ACOXL: variants seen among roughly 807,000 people sequenced by gnomAD.
The protein encoded by ACOXL is acyl-coenzyme A oxidase-like protein.
ACOXL carries 70 observed loss-of-function variants against 71.9 expected under a neutral mutation model. The observed-to-expected ratio is 0.97, with a 90% CI of 0.80 to 1.19. ACOXL has a LOEUF of 1.19. Ranked by LOEUF, ACOXL falls within the 50% of genes most tolerant of loss-of-function variation. The pLI is 0.00. For missense variants in ACOXL, 703 were observed against 736.3 expected (o/e 0.95, Z 0.52); for synonymous variants, 253 against 281.6 (o/e 0.90, Z 1.02).
At chr2:110,882,896 A>G (rs970524132) in intron 10 of ACOXL, among the ~76,000 whole-genome samples, 3 of 152,202 alleles carry the variant, frequency 2.0e-5, no homozygotes, top group Non-Finnish European at 2.9e-5. Flanking sequence ...TAAAAGACCC[A>G]TGTTAACAAA....
chr2:111,026,678 T>G (rs143034356), intron 14 of ACOXL, among the ~76,000 whole-genome samples: 1 of 152,306 alleles, frequency 6.6e-6, no homozygotes, highest in Admixed American at 6.5e-5. Flanking sequence ...TGTGCCTTTC[T>G]TTAACTCAGT....
rs77990030 is a variant in ACOXL, at chr2:111,030,731, CA to C, written c.1282-885del. ...TCTATTTGAGTTATTTCCTTGAGCA[CA>C]AAAAAAAAAATGCTAAAAGTTTAAG... On this transcript the variant is annotated intron_variant, in intron 14 of 17. Coordinates refer to ENST00000439055, the MANE Select transcript of ACOXL (RefSeq NM_001142807.4). Among the ~76,000 whole-genome samples, 130 of 146,094 alleles carry C rather than the reference CA, an allele frequency of 8.9e-4. 1 individual carries two copies. The highest frequency in any genetic ancestry group is 1.0e-3 in the East Asian group (5 of 4,968).
chr2:111,078,268 T>C (rs935576529), intron 16 of ACOXL, among the ~76,000 whole-genome samples: 4 of 152,160 alleles, frequency 2.6e-5, no homozygotes, highest in African/African-American at 9.6e-5. Context: ...TTATATTTCT[T>C]TCTTTCTTTT....
chr2:110,856,476 A>G (rs900703031), intron 10 of ACOXL, among the ~76,000 whole-genome samples: 1 of 152,250 alleles, frequency 6.6e-6, no homozygotes, highest in Non-Finnish European at 1.5e-5. Flanking sequence ...GAGAAGCCAT[A>G]AAGTGTTTCC....
At chr2:110,735,420 T>A (rs1382451329) in intron 1 of ACOXL, among the ~76,000 whole-genome samples, 1 of 152,162 alleles carries the variant, frequency 6.6e-6, no homozygotes, top group Non-Finnish European at 1.5e-5. Flanking sequence ...AGCGTAGTGG[T>A]GAGTGCTGTG....
chr2:110,760,690 A>G (rs539771561), intron 1 of ACOXL, among the ~76,000 whole-genome samples: 2 of 152,216 alleles, frequency 1.3e-5, no homozygotes, highest in African/African-American at 2.4e-5. Context: ...CTGTTCTCAC[A>G]TATCTCTTAC....
intron 17 of ACOXL, chr2:111,093,379 AAAG>A (rs2068640913): frequency 1.4e-6 from 2 of 1,452,882 alleles, no homozygotes; most frequent in African/African-American, 1.4e-5. Flanking sequence ...AGCACCTGAA[AAAG>A]AAGGTGAGGC....
Position 110,960,666 on chromosome 2 carries a change from G to GTT in ACOXL, c.1060-26431_1060-26430dup, listed in dbSNP as rs34129486. 7.8e-5 allele frequency among the ~76,000 whole-genome samples: 11 copies of GTT among 141,604 alleles called. No individual in the cohort carries two copies. In the East Asian group the frequency reaches 1.2e-3, roughly 16 times the overall value. 92.9% of individuals were successfully genotyped at this position (141,604 alleles called of 152,430 possible). On this transcript the variant is annotated intron_variant, in intron 12 of 17. Coordinates refer to ENST00000439055, the MANE Select transcript of ACOXL (RefSeq NM_001142807.4). ...TTTGTGAATGACTTTTTTCTTTTGGGTTTTTTTTTTTTAATGTATAAATTT... is the reference window on the plus strand; with the variant it reads ...TTTGTGAATGACTTTTTTCTTTTGGGTTTTTTTTTTTTTTAATGTATAAATTT...
intron 10 of ACOXL, among the ~76,000 whole-genome samples, chr2:110,851,900 G>A (rs1445078857): frequency 6.6e-6 from 1 of 152,244 alleles, no homozygotes; most frequent in Non-Finnish European, 1.5e-5. Flanking sequence ...CCTGGCCGCA[G>A]AGGTGAACAT....
intron 14 of ACOXL, among the ~76,000 whole-genome samples, chr2:111,004,980 C>T (rs1315888942): frequency 1.3e-5 from 2 of 152,142 alleles, no homozygotes; most frequent in Middle Eastern, 3.2e-3. Flanking sequence ...TGAGGTAAGT[C>T]TATGGAGAAA....
intron 10 of ACOXL, among the ~76,000 whole-genome samples, chr2:110,896,885 TG>T (rs2059030146): frequency 1.3e-5 from 2 of 152,084 alleles, no homozygotes; most frequent in South Asian, 4.1e-4. Context: ...AGGATCTAAT[TG>T]ACATTTATAG....
intron 2 of ACOXL, among the ~76,000 whole-genome samples, chr2:110,783,996 GA>G (rs1441364470): frequency 6.6e-6 from 1 of 152,240 alleles, no homozygotes; most frequent in East Asian, 1.9e-4. Flanking sequence ...AGTGAGTGAG[GA>G]GAGGGGATTG....
chr2:110,874,608 T>A (rs1279289905), intron 10 of ACOXL, among the ~76,000 whole-genome samples: 2 of 152,130 alleles, frequency 1.3e-5, no homozygotes. Context: ...ATGGCCTCCT[T>A]CAGCACAGGG....
intron 12 of ACOXL, 63 bp from the exon 13 acceptor site, chr2:110,987,045 G>A (rs975219942): frequency 7.6e-7 from 1 of 1,322,734 alleles, no homozygotes; most frequent in South Asian, 1.3e-5. Context: ...TTGGGTTGCA[G>A]TATTAAAGAT....
At chr2:110,953,346 ATT>A (rs199614369) in intron 12 of ACOXL, among the ~76,000 whole-genome samples, 1 of 148,184 alleles carries the variant, frequency 6.7e-6, no homozygotes, top group African/African-American at 2.5e-5. Flanking sequence ...ATATATATAT[ATT>A]TCAATTAATT....
intron 10 of ACOXL, among the ~76,000 whole-genome samples, chr2:110,842,057 C>G (rs1369052346): frequency 4.6e-5 from 7 of 152,212 alleles, no homozygotes; most frequent in Admixed American, 4.6e-4. Flanking sequence ...AAGTGCCACC[C>G]TGTGGTCATA....
At chr2:110,849,798 C>G (rs1354139675) in intron 10 of ACOXL, among the ~76,000 whole-genome samples, 1 of 152,038 alleles carries the variant, frequency 6.6e-6, no homozygotes, top group Non-Finnish European at 1.5e-5. Context: ...ACTAGACCAG[C>G]CAAGCAATTT....
intron 2 of ACOXL, among the ~76,000 whole-genome samples, chr2:110,775,712 G>A (rs1682549347): frequency 6.6e-6 from 1 of 152,050 alleles, no homozygotes; most frequent in African/African-American, 2.4e-5. Context: ...CACCCATTAG[G>A]ATGGTTATTA....
intron 12 of ACOXL, among the ~76,000 whole-genome samples, chr2:110,939,423 C>A (rs1254382749): frequency 6.6e-6 from 1 of 151,726 alleles, no homozygotes; most frequent in Non-Finnish European, 1.5e-5. Context: ...AATTTTAGAA[C>A]CCCCCTAATT....
Sources: gnomAD v4.1 joint callset for allele counts (sites outside exome capture counted in the v4.1 genomes callset) on GRCh38, gnomAD v4.1.1 for gene constraint, MANE v1.5 for transcripts, NCBI Gene and HGNC (gene_info 2026-07-23, HGNC 2026-07-21) for gene names.